The following LRBA variants were observed in gnomAD, a reference collection of about 807,000 sequenced individuals.
LRBA encodes the protein LPS responsive beige-like anchor protein, also known as lipopolysaccharide-responsive and beige-like anchor protein.
In LRBA, 176 loss-of-function variants were observed where a neutral mutation model predicts 330.0. That is an observed-to-expected ratio of 0.53 (90% CI 0.47 to 0.60). The LOEUF (loss-of-function observed/expected upper bound fraction) is 0.60, where lower values mean the gene tolerates loss of function less well. Ranked by LOEUF, LRBA falls within the 20% of genes least tolerant of loss-of-function variation. The pLI is 0.00. For synonymous variants in LRBA, 1,230 were observed against 1,193.0 expected, an observed-to-expected ratio of 1.03 and a Z score of -0.64; for missense variants, 3,259 against 3,444.8, an observed-to-expected ratio of 0.95 and a Z score of 1.35.
intron 36 of LRBA, among the ~76,000 whole-genome samples, chr4:150,695,571 G>A (rs377421984): frequency 5.6e-4 from 85 of 152,190 alleles, no homozygotes; most frequent in African/African-American, 2.0e-3. Context: ...TCCTGCCTCA[G>A]CCTCCCAAAG....
intron 2 of LRBA, among the ~76,000 whole-genome samples, chr4:150,976,467 G>C (rs981303699): frequency 6.6e-6 from 1 of 152,100 alleles, no homozygotes; most frequent in African/African-American, 2.4e-5. Context: ...TCAGATCACA[G>C]ATATATTAAC....
At chr4:150,318,257 A>C (rs1731989705) in intron 50 of LRBA, among the ~76,000 whole-genome samples, 1 of 152,084 alleles carries the variant, frequency 6.6e-6, no homozygotes, top group Non-Finnish European at 1.5e-5. Context: ...AAACTAGAAA[A>C]ATGCTCTATA....
chr4:151,000,594 A>G (rs551441335), intron 2 of LRBA, among the ~76,000 whole-genome samples: 21 of 152,232 alleles, frequency 1.4e-4, no homozygotes, highest in Non-Finnish European at 2.2e-4. Flanking sequence ...ATATACGTAG[A>G]GCATGGATAC....
At chr4:150,685,400 ATATATATATATATATATATATTTTTTTTT>A (rs1483292417) in intron 36 of LRBA, among the ~76,000 whole-genome samples, 44 of 13,738 alleles carry the variant, frequency 3.2e-3, no homozygotes, top group Non-Finnish European at 4.0e-3. Context: ...ATATATATAT[ATATATATATATATATATATATTTTTTTTT>A]TTTTTTTTTT....
chr4:150,559,990 T>G (rs1259419990), intron 40 of LRBA, among the ~76,000 whole-genome samples: 10 of 126,084 alleles, frequency 7.9e-5, no homozygotes, highest in African/African-American at 3.0e-4. Context: ...TAAGGGACAT[T>G]ATTTCGTCCA....
chr4:150,351,215 T>C (rs1477589206), intron 47 of LRBA, among the ~76,000 whole-genome samples: 1 of 152,222 alleles, frequency 6.6e-6, no homozygotes, highest in Non-Finnish European at 1.5e-5. Context: ...TTAATAACGT[T>C]ATAAATACTA....
chr4:150,966,931 G>A (rs1215141506), intron 2 of LRBA, among the ~76,000 whole-genome samples: 1 of 152,212 alleles, frequency 6.6e-6, no homozygotes, highest in Admixed American at 6.5e-5. Context: ...ATCCCAGGCT[G>A]AGGCCCAGAG....
intron 37 of LRBA, among the ~76,000 whole-genome samples, chr4:150,604,538 C>T (rs1390435570): frequency 6.6e-6 from 1 of 152,094 alleles, no homozygotes; most frequent in African/African-American, 2.4e-5. Context: ...TTACCTGAGT[C>T]AGCTGTGGCA....
chr4:150,545,787 T>A (rs1201061079), intron 40 of LRBA, among the ~76,000 whole-genome samples: 1 of 152,162 alleles, frequency 6.6e-6, no homozygotes, highest in Non-Finnish European at 1.5e-5. Context: ...CAATTTCTTT[T>A]AACTCATGCT....
At chr4:150,610,154 G>A (rs1165837158) in intron 37 of LRBA, among the ~76,000 whole-genome samples, 5 of 152,168 alleles carry the variant, frequency 3.3e-5, no homozygotes, top group Non-Finnish European at 1.5e-5. Context: ...GCTGACAAAG[G>A]AAAAGTTTAA....
chr4:150,411,658 C>T (rs1412776836), intron 47 of LRBA, among the ~76,000 whole-genome samples: 2 of 152,080 alleles, frequency 1.3e-5, no homozygotes, highest in Non-Finnish European at 2.9e-5. Context: ...TATGAGAAGC[C>T]GAAGTATCGT....
chr4:150,950,102 C>A (rs1184194944), intron 2 of LRBA, among the ~76,000 whole-genome samples: 2 of 152,120 alleles, frequency 1.3e-5, no homozygotes, highest in Non-Finnish European at 2.9e-5. Flanking sequence ...TCTAAACCTT[C>A]ATACAGAGAA....
intron 2 of LRBA, among the ~76,000 whole-genome samples, chr4:151,002,196 C>A (rs1194150678): frequency 1.8e-3 from 43 of 24,388 alleles, no homozygotes; most frequent in African/African-American, 3.1e-3. Context: ...CATAAAACAG[C>A]AAAAAAAAAA....
chr4:150,450,364 G>A (rs1168694091), intron 44 of LRBA, among the ~76,000 whole-genome samples: 1 of 152,208 alleles, frequency 6.6e-6, no homozygotes, highest in Non-Finnish European at 1.5e-5. Context: ...CTGAAATCAA[G>A]TTGTTGGCAG....
At chr4:150,838,106 T>C (rs984080614) in intron 28 of LRBA, among the ~76,000 whole-genome samples, 1 of 152,214 alleles carries the variant, frequency 6.6e-6, no homozygotes, top group African/African-American at 2.4e-5. Context: ...TTTAAGAATG[T>C]TGAATATTGG....
chr4:150,812,614 C>G (rs1230916103), intron 31 of LRBA, among the ~76,000 whole-genome samples: 1 of 152,010 alleles, frequency 6.6e-6, no homozygotes, highest in East Asian at 1.9e-4. Flanking sequence ...AAAAATAAGC[C>G]TATTGGCCTA....
rs554069225 is a variant in LRBA, at chr4:150,767,263, G to A, written c.5581-5416C>T. Reference sequence around the variant, plus strand: ...TTTTCTATAAATAATCTCCTAGAACGTATTTTAGTGACGAATACACTAAAT... The same window carrying A: ...TTTTCTATAAATAATCTCCTAGAACATATTTTAGTGACGAATACACTAAAT... On this transcript the variant is annotated intron_variant, in intron 34 of 56. Transcript: ENST00000651943. Among the ~76,000 whole-genome samples, 4 of 152,016 alleles carry A rather than the reference G, an allele frequency of 2.6e-5. No homozygotes were observed. The East Asian group carries it at 7.7e-4, about 29-fold the overall frequency.
At chr4:150,728,756 G>C (rs1352221666) in intron 36 of LRBA, among the ~76,000 whole-genome samples, 2 of 151,730 alleles carry the variant, frequency 1.3e-5, no homozygotes, top group Non-Finnish European at 2.9e-5. Context: ...ACTGAATGGA[G>C]AAAACTGAAA....
At chr4:150,895,127 G>A (rs561422160) in intron 16 of LRBA, among the ~76,000 whole-genome samples, 18 of 151,868 alleles carry the variant, frequency 1.2e-4, no homozygotes, top group African/African-American at 4.1e-4. Context: ...TTAAAATGCT[G>A]TGATGTATTA....
Sources: allele counts gnomAD v4.1 joint callset (sites outside exome capture counted in the v4.1 genomes callset), GRCh38; gene constraint gnomAD v4.1.1; transcripts MANE v1.5; gene names NCBI Gene and HGNC (gene_info 2026-07-23, HGNC 2026-07-21).